FAXDC2: variants seen among roughly 807,000 people sequenced by gnomAD.
FAXDC2 encodes fatty acid hydroxylase domain-containing protein 2.
A neutral mutation model predicts 40.9 loss-of-function variants in FAXDC2; 41 were observed. The observed-to-expected ratio is 1.00, with a 90% CI of 0.78 to 1.30. The LOEUF (loss-of-function observed/expected upper bound fraction) is 1.30. Among genes scored for constraint, FAXDC2 ranks in the 50% most tolerant of loss-of-function variants. The pLI is 0.00. For synonymous variants in FAXDC2, 157 were observed against 149.3 expected (o/e 1.05, Z -0.38); for missense variants, 390 against 408.8 (o/e 0.95, Z 0.40).
At chr5:154,848,702 C>T (rs886885759) in intron 1 of FAXDC2, among the ~76,000 whole-genome samples, 21 of 152,242 alleles carry the variant, frequency 1.4e-4, no homozygotes, top group African/African-American at 2.4e-4. Context: ...AGCGGTGGCT[C>T]GCATCTGTAA....
chr5:154,832,404 G>A (rs1389053635), intron 4 of FAXDC2, among the ~76,000 whole-genome samples: 2 of 152,038 alleles, frequency 1.3e-5, no homozygotes, highest in African/African-American at 2.4e-5. Context: ...TAGTAGAGAC[G>A]GGGTTTCACC....
intron 5 of FAXDC2, chr5:154,824,717 TG>T: frequency 1.7e-6 from 1 of 588,930 alleles, no homozygotes; most frequent in South Asian, 2.1e-5. Flanking sequence ...AAATAAAGCA[TG>T]AGCAAAACAA....
chr5:154,832,503 T>C (rs1262440299), intron 4 of FAXDC2, among the ~76,000 whole-genome samples: 2 of 152,110 alleles, frequency 1.3e-5, no homozygotes, highest in East Asian at 3.8e-4. Context: ...GCCTGGCCCA[T>C]ATTTACTTTT....
intron 2 of FAXDC2, 94 bp downstream of exon 2, chr5:154,838,008 CATTACCATGTGTCAGCCACCCCTAAACCT>C (rs1760393772): frequency 2.9e-6 from 2 of 680,764 alleles, no homozygotes; most frequent in Admixed American, 2.7e-5. Context: ...AAAATGAAGA[CATTACCATGTGTCAGCCACCCCTAAACCT>C]TGGGGGAGAT....
chr5:154,823,393 G>T lies in FAXDC2; in HGVS notation c.566C>A (p.Ser189Ter). 1 of 1,613,338 alleles carries T rather than the reference G, an allele frequency of 6.2e-7. No individual in the cohort carries two copies. The highest frequency in any genetic ancestry group is 8.5e-7 in the Non-Finnish European group (1 of 1,179,964). Residue 189 changes from serine (S) to a stop codon, truncating the protein, a stop_gained, in exon 6 of 9, where the codon TCA becomes TAA. Transcript: ENST00000326080. LOFTEE classifies it high-confidence loss of function. ...TCAGGCAGGGCCTGCTCACCGGTGT[G>T]AATAGTAGAACAAGACTTCCTCGAT... ...TLIEEVLFYY[S>*]HRLLHHPTFY...
rs527627160 is a variant in FAXDC2, at chr5:154,848,308, C to T, written c.-1+2175G>A. On this transcript the variant is annotated intron_variant, in intron 1 of 8. Transcript: ENST00000326080. ...TCCATTTTATAAGCTAAGGAGGAAG[C>T]CCTAGTTAGTAGAAATGACTTGCTC... Among the ~76,000 whole-genome samples, 10 of 152,300 alleles carry T rather than the reference C, an allele frequency of 6.6e-5. No individual in the cohort carries two copies. The South Asian group carries it at 2.1e-3, about 32-fold the overall frequency.
At chr5:154,839,764 TTAAA>T (rs1760436944) in intron 1 of FAXDC2, among the ~76,000 whole-genome samples, 1 of 152,042 alleles carries the variant, frequency 6.6e-6, no homozygotes, top group South Asian at 2.1e-4. Flanking sequence ...AATTTTAAAT[TTAAA>T]TAATAGTAAT....
chr5:154,849,047 A>T (rs1042974096), intron 1 of FAXDC2, among the ~76,000 whole-genome samples: 4 of 151,652 alleles, frequency 2.6e-5, no homozygotes, highest in African/African-American at 7.3e-5. Context: ...TGGGAGGCCG[A>T]GGTGGGTAGA....
At chr5:154,849,694 C>T (rs1760685571) in intron 1 of FAXDC2, among the ~76,000 whole-genome samples, 1 of 152,180 alleles carries the variant, frequency 6.6e-6, no homozygotes. Context: ...TGAATTGAAT[C>T]TGTATATCCC....
intron 4 of FAXDC2, among the ~76,000 whole-genome samples, chr5:154,833,139 C>T (rs193266412): frequency 7.9e-5 from 12 of 151,880 alleles, no homozygotes; most frequent in Middle Eastern, 3.4e-3. Context: ...TGAGTTCAAG[C>T]GATGCTTGTG....
At chr5:154,831,035 C>T (rs1018544323) in intron 4 of FAXDC2, 113 bp from the exon 5 acceptor site, 2 of 1,375,258 alleles carry the variant, frequency 1.5e-6, no homozygotes, top group African/African-American at 2.9e-5. Flanking sequence ...ATTTCTTTGC[C>T]AGGGAGGTCT....
intron 1 of FAXDC2, among the ~76,000 whole-genome samples, chr5:154,845,090 A>T (rs1461375573): frequency 6.6e-6 from 1 of 152,246 alleles, no homozygotes; most frequent in Non-Finnish European, 1.5e-5. Flanking sequence ...TAGTTACGCC[A>T]ATATGGCCAT....
intron 4 of FAXDC2, among the ~76,000 whole-genome samples, chr5:154,832,053 G>C (rs1760205686): frequency 6.6e-6 from 1 of 152,040 alleles, no homozygotes; most frequent in Non-Finnish European, 1.5e-5. Flanking sequence ...AAAATAGTTG[G>C]TATCTCATAA....
Position 154,832,534 on chromosome 5 carries a change from A to G in FAXDC2, c.245-1612T>C, listed in dbSNP as rs1018213213. ...CTTTTATACCCAGAAAAAATAAACT[A>G]TTTTTTACTTTGGAAAAAAAAGGCT... is the stretch of plus-strand genomic sequence containing the variant. On this transcript the variant is annotated intron_variant, in intron 4 of 8. Transcript: ENST00000326080. Among the ~76,000 whole-genome samples, 11 of 151,960 alleles carry G rather than the reference A, an allele frequency of 7.2e-5. No homozygotes were observed. The East Asian group carries it at 1.5e-3, about 21-fold the overall frequency.
At chr5:154,849,635 G>A (rs966518191) in intron 1 of FAXDC2, among the ~76,000 whole-genome samples, 5 of 152,142 alleles carry the variant, frequency 3.3e-5, no homozygotes, top group African/African-American at 1.2e-4. Context: ...AATTACTTTC[G>A]TAACTAAAGT....
At chr5:154,843,949 T>G (rs1760537385) in intron 1 of FAXDC2, among the ~76,000 whole-genome samples, 1 of 152,160 alleles carries the variant, frequency 6.6e-6, no homozygotes, top group Non-Finnish European at 1.5e-5. Context: ...TCGGGTGCAG[T>G]GGCTCATGCC....
At chr5:154,848,590 G>C (rs1316508638) in intron 1 of FAXDC2, among the ~76,000 whole-genome samples, 1 of 152,186 alleles carries the variant, frequency 6.6e-6, no homozygotes, top group Non-Finnish European at 1.5e-5. Context: ...CTGGTGAAGA[G>C]GGTTTTGAGG....
chr5:154,820,637 A>C, intron 8 of FAXDC2, 165 bp from the exon 9 acceptor site: 1 of 557,914 alleles, frequency 1.8e-6, no homozygotes, highest in Non-Finnish European at 3.2e-6. Flanking sequence ...CTACCAATGC[A>C]TCTCCCGGGG....
chr5:154,836,732 T>C (rs1760358591), intron 2 of FAXDC2, among the ~76,000 whole-genome samples: 1 of 151,992 alleles, frequency 6.6e-6, no homozygotes, highest in African/African-American at 2.4e-5. Context: ...CTCACTGCAA[T>C]CTCCACCTTC....
Sources: gnomAD v4.1 joint callset for allele counts (sites outside exome capture counted in the v4.1 genomes callset) on GRCh38, gnomAD v4.1.1 for gene constraint, MANE v1.5 for transcripts, NCBI Gene and HGNC (gene_info 2026-07-23, HGNC 2026-07-21) for gene names.